Variants in SLC39A11 observed in about 807,000 individuals in gnomAD.
SLC39A11 encodes the protein zinc transporter ZIP11.
SLC39A11 carries 33 observed loss-of-function variants against 36.1 expected under a neutral mutation model. That is an observed-to-expected ratio of 0.91 (90% confidence interval 0.69 to 1.22). The LOEUF (loss-of-function observed/expected upper bound fraction) is 1.22. Among genes scored for constraint, SLC39A11 ranks in the 50% most tolerant of loss-of-function variants. The pLI is 0.00. For missense variants in SLC39A11, 432 were observed against 430.3 expected (o/e 1.00, Z -0.03); for synonymous variants, 166 against 170.3 (o/e 0.97, Z 0.20).
At chr17:72,669,339 G>A (rs2070893254) in intron 7 of SLC39A11, among the ~76,000 whole-genome samples, 1 of 152,064 alleles carries the variant, frequency 6.6e-6, no homozygotes, top group Non-Finnish European at 1.5e-5. Context: ...ATCCAGTGTG[G>A]GATCCCATGT....
intron 6 of SLC39A11, among the ~76,000 whole-genome samples, chr17:72,741,925 C>G (rs934411807): frequency 1.3e-5 from 2 of 152,114 alleles, no homozygotes; most frequent in Non-Finnish European, 2.9e-5. Context: ...CCCAGCCGGG[C>G]ACAGTGGCTC....
intron 3 of SLC39A11, among the ~76,000 whole-genome samples, chr17:73,032,364 A>G (rs8075452): frequency 0.33 from 49,510 of 151,790 alleles, 8,992 homozygotes; most frequent in African/African-American, 0.48. Context: ...GTGCCACCAC[A>G]GCCAGCTAAT....
chr17:72,712,103 A>G (rs1333104023), intron 7 of SLC39A11, among the ~76,000 whole-genome samples: 1 of 152,242 alleles, frequency 6.6e-6, no homozygotes, highest in African/African-American at 2.4e-5. Context: ...CCATGCAAGC[A>G]CATTTGTTTC....
chr17:72,890,047 A>G (rs1013434254), intron 5 of SLC39A11, among the ~76,000 whole-genome samples: 2 of 151,740 alleles, frequency 1.3e-5, no homozygotes, highest in Non-Finnish European at 2.9e-5. Context: ...ATCTCTTGAG[A>G]TCAGGAGTTC....
At chr17:72,797,753 T>G (rs1384467262) in intron 6 of SLC39A11, among the ~76,000 whole-genome samples, 1 of 152,118 alleles carries the variant, frequency 6.6e-6, no homozygotes, top group Non-Finnish European at 1.5e-5. Context: ...AGCTCGCAGG[T>G]GGCACAGCCA....
intron 6 of SLC39A11, among the ~76,000 whole-genome samples, chr17:72,754,969 T>C (rs182049345): frequency 3.3e-5 from 5 of 152,320 alleles, no homozygotes; most frequent in Admixed American, 3.3e-4. Context: ...ATCAGTCTCT[T>C]AAGTCCTGAA....
intron 3 of SLC39A11, among the ~76,000 whole-genome samples, chr17:73,059,894 C>T (rs62073132): frequency 0.032 from 4,808 of 152,046 alleles, 90 homozygotes; most frequent in South Asian, 0.06. Flanking sequence ...GGTTTGTGGA[C>T]GGTGAATCAT....
chr17:72,917,265 T>C (rs1278306763), intron 5 of SLC39A11, among the ~76,000 whole-genome samples: 2 of 152,272 alleles, frequency 1.3e-5, no homozygotes, highest in East Asian at 3.8e-4. Context: ...GAAATCATTC[T>C]GCTTTCCCAG....
At chr17:72,867,760 G>GCA (rs887444124) in intron 5 of SLC39A11, among the ~76,000 whole-genome samples, 1,298 of 80,512 alleles carry the variant, frequency 0.016, 8 homozygotes, top group Middle Eastern at 0.055. Context: ...AAGTGCGCGC[G>GCA]CACACACACA....
intron 6 of SLC39A11, chr17:72,824,028 T>C (rs1287590696): frequency 1.3e-5 from 2 of 149,622 alleles, no homozygotes; most frequent in East Asian, 3.9e-4. Context: ...CAATTTAAAA[T>C]AAAAGCACAA....
At chr17:72,769,725 A>C (rs1221662791) in intron 6 of SLC39A11, among the ~76,000 whole-genome samples, 1 of 151,932 alleles carries the variant, frequency 6.6e-6, no homozygotes, top group Non-Finnish European at 1.5e-5. Flanking sequence ...TTGTATTTTT[A>C]GTAGAGACAG....
At chr17:73,050,462 C>CTTTTTTTTTTTTTTTTTTT (rs558193911) in intron 3 of SLC39A11, among the ~76,000 whole-genome samples, 2 of 124,322 alleles carry the variant, frequency 1.6e-5, no homozygotes, top group African/African-American at 6.3e-5. Context: ...TGTGAACTGA[C>CTTTTTTTTTTTTTTTTTTT]TTTTTTTTTT....
chr17:72,828,990 A>G (rs1422275880), intron 6 of SLC39A11, among the ~76,000 whole-genome samples: 2 of 152,140 alleles, frequency 1.3e-5, no homozygotes, highest in African/African-American at 2.4e-5. Context: ...GCACATTTCT[A>G]TTTTCAAAAG....
At chr17:72,791,883 C>T (rs2076717564) in intron 6 of SLC39A11, among the ~76,000 whole-genome samples, 1 of 152,214 alleles carries the variant, frequency 6.6e-6, no homozygotes, top group Non-Finnish European at 1.5e-5. Context: ...TTCCTGAGGC[C>T]TCCCCAACCC....
intron 4 of SLC39A11, among the ~76,000 whole-genome samples, chr17:72,974,975 C>T (rs1167554031): frequency 6.6e-6 from 1 of 152,208 alleles, no homozygotes; most frequent in African/African-American, 2.4e-5. Flanking sequence ...AGGCTACACC[C>T]TACAGCCTAT....
intron 5 of SLC39A11, among the ~76,000 whole-genome samples, chr17:72,934,352 C>CT (rs2084613569): frequency 1.3e-5 from 2 of 152,196 alleles, no homozygotes; most frequent in Non-Finnish European, 2.9e-5. Context: ...GACAAAGGTC[C>CT]TCTATGCAGA....
intron 4 of SLC39A11, among the ~76,000 whole-genome samples, chr17:72,996,670 GCCCA>G (rs1210736812): frequency 6.6e-6 from 1 of 151,994 alleles, no homozygotes; most frequent in Non-Finnish European, 1.5e-5. Flanking sequence ...TGGATTTATG[GCCCA>G]CCCTACTCTA....
intron 3 of SLC39A11, among the ~76,000 whole-genome samples, chr17:73,072,727 A>G (rs1025589827): frequency 6.6e-6 from 1 of 152,080 alleles, no homozygotes; most frequent in Non-Finnish European, 1.5e-5. Context: ...CACAAAAACC[A>G]CTAGTGTTTG....
At chr17:72,765,213 G>T (rs1258586689) in intron 6 of SLC39A11, among the ~76,000 whole-genome samples, 1 of 152,040 alleles carries the variant, frequency 6.6e-6, no homozygotes, top group Non-Finnish European at 1.5e-5. Flanking sequence ...GCCTTTTGAG[G>T]TGTCTTTTCT....
Sources: gnomAD v4.1 joint callset for allele counts (sites outside exome capture counted in the v4.1 genomes callset) on GRCh38, gnomAD v4.1.1 for gene constraint, MANE v1.5 for transcripts, NCBI Gene and HGNC (gene_info 2026-07-23, HGNC 2026-07-21) for gene names.